GAPVD1: variants seen among roughly 807,000 people sequenced by gnomAD.
GAPVD1 encodes GTPase activating protein and VPS9 domains 1.
Under a neutral mutation model 155.5 loss-of-function variants are expected in GAPVD1, and 35 were observed. The ratio of observed to expected loss-of-function variants is 0.23; its 90% CI spans 0.17 to 0.30. GAPVD1 has a LOEUF of 0.30. GAPVD1 is among the 10% of genes least tolerant of loss of function. The pLI, the probability that GAPVD1 is intolerant of heterozygous loss-of-function variation, is 1.00. For missense variants in GAPVD1, 1,429 were observed against 1,775.7 expected, an observed-to-expected ratio of 0.80 and a Z score of 3.51; for synonymous variants, 636 against 619.7, an observed-to-expected ratio of 1.03 and a Z score of -0.39.
chr9:125,272,170 C>A (rs1835024974), intron 2 of GAPVD1, among the ~76,000 whole-genome samples: 1 of 152,002 alleles, frequency 6.6e-6, no homozygotes, highest in Non-Finnish European at 1.5e-5. Flanking sequence ...ATTACAGGCG[C>A]CTGCCACCCT....
At chr9:125,345,020 C>T (rs1382816945) in intron 19 of GAPVD1, among the ~76,000 whole-genome samples, 1 of 152,074 alleles carries the variant, frequency 6.6e-6, no homozygotes, top group Non-Finnish European at 1.5e-5. Context: ...GGAATTGGTT[C>T]CAGGACTCTT....
At chr9:125,285,178 A>G (rs1463461984) in intron 2 of GAPVD1, among the ~76,000 whole-genome samples, 1 of 152,236 alleles carries the variant, frequency 6.6e-6, no homozygotes, top group Non-Finnish European at 1.5e-5. Flanking sequence ...GAAACCAGCC[A>G]TAGATAATAT....
At chr9:125,272,025 A>G (rs185509971) in intron 2 of GAPVD1, among the ~76,000 whole-genome samples, 1 of 152,176 alleles carries the variant, frequency 6.6e-6, no homozygotes, top group African/African-American at 2.4e-5. Flanking sequence ...GAAAAACTAC[A>G]TTAATTCTTT....
chr9:125,273,848 G>A (rs359595), intron 2 of GAPVD1, among the ~76,000 whole-genome samples: 7 of 151,668 alleles, frequency 4.6e-5, no homozygotes, highest in Admixed American at 1.3e-4. Context: ...CTTCTTTTGC[G>A]TATTCACTTC....
At chr9:125,279,883 C>T (rs1312627518) in intron 2 of GAPVD1, among the ~76,000 whole-genome samples, 1 of 150,850 alleles carries the variant, frequency 6.6e-6, no homozygotes, top group African/African-American at 2.4e-5. Flanking sequence ...GCCTCAGCCT[C>T]CTGAGTAGTT....
At chr9:125,330,974 G>A (rs1387894477) in intron 13 of GAPVD1, among the ~76,000 whole-genome samples, 1 of 131,384 alleles carries the variant, frequency 7.6e-6, no homozygotes, top group Non-Finnish European at 1.6e-5. Flanking sequence ...TTGAGATTCT[G>A]TAATCCTGAG....
chr9:125,337,542 C>T lies in GAPVD1; in HGVS notation c.2828C>T (p.Ala943Val). 6.2e-7 allele frequency: 1 copy of T among 1,614,016 alleles called. No homozygotes were observed. The highest frequency in any genetic ancestry group is 1.3e-5 in the African/African-American group (1 of 75,052). The change falls in exon 17 of 28, where the codon GCA becomes GTA. Residue 943 changes from alanine to valine, a missense_variant. By Grantham distance (64) the Ala-to-Val change is moderately conservative. Around this residue, in one of 4 missense-constraint regions of GAPVD1, gnomAD observed 699 missense variants for 826.0 expected, o/e 0.85. Coordinates refer to ENST00000297933, the MANE Select transcript of GAPVD1 (RefSeq NM_001282680.3). The part of the protein sequence containing the change: ...AAIGATSLVA[A>V]PHSSSSSPSK... ...ATTGGTGCTACTTCTTTGGTGGCTGCACCTCATTCATCATCTTCATCCCCG... is the reference window on the plus strand; with the variant it reads ...ATTGGTGCTACTTCTTTGGTGGCTGTACCTCATTCATCATCTTCATCCCCG...
chr9:125,362,885 C>G lies in GAPVD1; in HGVS notation c.*139C>G. ...TCAGGCATTTTAAAGCAGATCTTTA[C>G]TAAACAGGTTAATGAGCTAACAAGC... On this transcript the variant is annotated 3_prime_UTR_variant, in exon 28 of 28. Transcript: ENST00000297933. 1.6e-6 allele frequency: 1 copy of G among 627,170 alleles called. No individual in the cohort carries two copies. The highest frequency in any genetic ancestry group is 2.6e-6 in the Non-Finnish European group (1 of 388,236). The allele number at this position is 627,170 out of a possible 1,614,324, so 38.9% of individuals were successfully genotyped here.
chr9:125,279,984 A>G (rs1588604032), intron 2 of GAPVD1, among the ~76,000 whole-genome samples: 1 of 150,186 alleles, frequency 6.7e-6, no homozygotes, highest in Non-Finnish European at 1.5e-5. Context: ...CTGGTCTTGA[A>G]CTCCCGACGT....
At chr9:125,315,326 A>G (rs1564373619) in intron 9 of GAPVD1, among the ~76,000 whole-genome samples, 1 of 152,240 alleles carries the variant, frequency 6.6e-6, no homozygotes, top group Non-Finnish European at 1.5e-5. Context: ...TCTGGAATCT[A>G]ATAAAAAACT....
intron 11 of GAPVD1, among the ~76,000 whole-genome samples, chr9:125,325,839 A>T (rs1845092207): frequency 6.6e-6 from 1 of 152,246 alleles, no homozygotes; most frequent in Non-Finnish European, 1.5e-5. Flanking sequence ...TCAGTTACCC[A>T]TGGGCAAACT....
chr9:125,344,561 A>G (rs992889444), intron 19 of GAPVD1, among the ~76,000 whole-genome samples: 8 of 152,186 alleles, frequency 5.3e-5, no homozygotes, highest in African/African-American at 1.9e-4. Context: ...AATAGAAATA[A>G]AGATTATAAG....
intron 19 of GAPVD1, chr9:125,345,948 A>G (rs1231662052): frequency 1.3e-5 from 2 of 152,188 alleles, no homozygotes; most frequent in African/African-American, 2.4e-5. Flanking sequence ...ATGGGATTCT[A>G]CCAGAATGTG....
chr9:125,301,021 T>C (rs544319287), intron 4 of GAPVD1, among the ~76,000 whole-genome samples: 1 of 152,218 alleles, frequency 6.6e-6, no homozygotes, highest in East Asian at 1.9e-4. Flanking sequence ...TACTTGAGTA[T>C]TTGTAAACTT....
At chr9:125,313,729 G>C (rs1276323648) in intron 9 of GAPVD1, among the ~76,000 whole-genome samples, 1 of 152,170 alleles carries the variant, frequency 6.6e-6, no homozygotes, top group East Asian at 1.9e-4. Context: ...AGCCTCCTGA[G>C]TTGCTGGTCT....
Position 125,307,785 on chromosome 9 carries a change from C to A in GAPVD1, c.1346C>A (p.Pro449Gln), listed in dbSNP as rs1230555338. The change falls in exon 8 of 28, where the codon CCA becomes CAA. Residue 449 changes from proline to glutamine, a missense_variant. Transcript: ENST00000297933. ...TTGGCAAACCTACCCCCGGCCAAGC[C>A]AGGAAAAAGTAGCAGTTTAGAAATG... ...NLLANLPPAK[P>Q]GKSSSLEMTP... 6.2e-7 allele frequency: 1 copy of A among 1,613,606 alleles called. No homozygotes were observed. The highest frequency in any genetic ancestry group is 1.1e-5 in the South Asian group (1 of 91,060).
chr9:125,346,575 A>G (rs755884895), intron 19 of GAPVD1: 1 of 543,096 alleles, frequency 1.8e-6, no homozygotes, highest in South Asian at 2.0e-5. Context: ...GAACTTTGAC[A>G]CTGTCATTCT....
In GAPVD1 at chr9:125,276,719, A is replaced by G. The variant is rs568552256; in HGVS notation, c.-150+7735A>G. 2.6e-5 allele frequency among the ~76,000 whole-genome samples: 4 copies of G among 152,242 alleles called. No homozygotes were observed. In the South Asian group the frequency reaches 8.3e-4, roughly 32 times the overall value. On this transcript the variant is annotated intron_variant, in intron 2 of 27. Transcript: ENST00000297933. ...ACACAAAGAAATTTCAGATATGCTCATTGGAATGTGAGAAGATATTTTCAA... is the reference window on the plus strand; with the variant it reads ...ACACAAAGAAATTTCAGATATGCTCGTTGGAATGTGAGAAGATATTTTCAA...
At chr9:125,312,405 T>G (rs1842790533) in intron 8 of GAPVD1, 47 bp from the exon 9 acceptor site, 2 of 1,251,158 alleles carry the variant, frequency 1.6e-6, no homozygotes, top group Middle Eastern at 1.9e-4. Flanking sequence ...ACCATTTTCT[T>G]CATTTGTCTA....
Sources: allele counts gnomAD v4.1 joint callset (sites outside exome capture counted in the v4.1 genomes callset), GRCh38; gene constraint gnomAD v4.1.1; regional missense constraint gnomAD v4.1.1; transcripts MANE v1.5; gene names NCBI Gene and HGNC (gene_info 2026-07-23, HGNC 2026-07-21).